The following RANBP17 variants were observed in gnomAD, a reference collection of about 807,000 sequenced individuals.
RANBP17 encodes the protein RAN binding protein 17.
A neutral mutation model predicts 141.2 loss-of-function variants in RANBP17; 158 were observed. The ratio of observed to expected loss-of-function variants is 1.12; its 90% CI spans 0.98 to 1.28. The LOEUF is 1.28. RANBP17 is among the 50% of genes most tolerant of loss of function. RANBP17 has a pLI of 0.00. For missense variants in RANBP17, 1,438 were observed against 1,290.7 expected, an observed-to-expected ratio of 1.11 and a Z score of -1.75; for synonymous variants, 430 against 450.0, an observed-to-expected ratio of 0.96 and a Z score of 0.56.
chr5:171,286,715 C>T lies in RANBP17; in HGVS notation c.2944-7168C>T, dbSNP rs187255005. On this transcript the variant is annotated intron_variant, in intron 25 of 27. Transcript: ENST00000523189. ...TTGAGCAGGATCACATTTCAATATC[C>T]GCTGTACACATGGCCTCAGGAACAG... is the stretch of plus-strand genomic sequence containing the variant. 2.0e-3 allele frequency among the ~76,000 whole-genome samples: 310 copies of T among 152,194 alleles called. 2 individuals are homozygous for T. Among genetic ancestry groups the T allele is most frequent in the African/African-American group, 6.9e-3 (288 of 41,522 alleles).
At chr5:171,215,173 TGTTA>T (rs1243716788) in intron 21 of RANBP17, among the ~76,000 whole-genome samples, 2 of 152,062 alleles carry the variant, frequency 1.3e-5, no homozygotes, top group South Asian at 2.1e-4. Context: ...TATGTTCCTG[TGTTA>T]GTTTGCTGAG....
Position 171,199,692 on chromosome 5 carries a change from G to GAA in RANBP17, c.2062_2063dup (p.Asn688LysfsTer27), listed in dbSNP as rs760934122. On this transcript the variant is annotated frameshift_variant, in exon 19 of 28. Coordinates refer to ENST00000523189, the MANE Select transcript of RANBP17 (RefSeq NM_022897.5). LOFTEE classifies it high-confidence loss of function. ...TAGGTGAAGATGAGGATGAATTTGA[G>GAA]AATTTCATGCTGCCTCTTACAGTTG... The GAA allele has an allele frequency of 4.2e-5, 68 of 1,608,836 alleles. No homozygotes were observed. In the South Asian group the frequency reaches 5.1e-4, roughly 12 times the overall value.
intron 25 of RANBP17, among the ~76,000 whole-genome samples, chr5:171,288,409 C>T (rs1051825645): frequency 6.6e-6 from 1 of 152,106 alleles, no homozygotes; most frequent in African/African-American, 2.4e-5. Flanking sequence ...TTTGTCACAC[C>T]ATCAGTCCTC....
chr5:171,287,072 T>G (rs189878100), intron 25 of RANBP17, among the ~76,000 whole-genome samples: 132 of 152,288 alleles, frequency 8.7e-4, no homozygotes, highest in African/African-American at 3.0e-3. Flanking sequence ...TTAGATGCAT[T>G]TATTATTGGT....
chr5:170,862,055 A>T lies in RANBP17; in HGVS notation c.18+4A>T. 6.8e-7 allele frequency: 1 copy of T among 1,461,296 alleles called. No homozygotes were observed. The highest frequency in any genetic ancestry group is 9.0e-7 in the Non-Finnish European group (1 of 1,113,644). 90.5% of individuals were successfully genotyped at this position (1,461,296 alleles called of 1,614,324 possible). On this transcript the variant is annotated splice_donor_region_variant and intron_variant, in intron 1 of 27. Transcript: ENST00000523189. ...GAAGATGGCGCTGCACTTCCAGGTC[A>T]GTGTGCTCTGCGCCGCGGGCCCGCG...
At chr5:171,205,838 A>G (rs2127961820) in intron 20 of RANBP17, 1 of 625,870 alleles carries the variant, frequency 1.6e-6, no homozygotes, top group East Asian at 3.1e-5. Context: ...TTAAATATTG[A>G]TAACTTAAAA....
At chr5:171,286,589 A>G (rs557819708) in intron 25 of RANBP17, among the ~76,000 whole-genome samples, 1 of 152,178 alleles carries the variant, frequency 6.6e-6, no homozygotes, top group Non-Finnish European at 1.5e-5. Context: ...TTATTTATCC[A>G]TTATGTTCAT....
intron 22 of RANBP17, among the ~76,000 whole-genome samples, chr5:171,238,324 A>G (rs1561790541): frequency 1.3e-5 from 2 of 152,338 alleles, no homozygotes; most frequent in South Asian, 4.1e-4. Flanking sequence ...GACATAGTCC[A>G]AAAGGCAGGA....
chr5:171,066,242 C>T lies in RANBP17; in HGVS notation c.1710+97865C>T, dbSNP rs548575950. Among the ~76,000 whole-genome samples the T allele has an allele frequency of 7.9e-5, 12 of 152,176 alleles. No homozygotes were observed. The South Asian group carries it at 1.7e-3, about 21-fold the overall frequency. On this transcript the variant is annotated intron_variant, in intron 14 of 27. Coordinates refer to ENST00000523189, the MANE Select transcript of RANBP17 (RefSeq NM_022897.5). ...ATACATGGTTATTAATCATAGTTAC[C>T]ATATTGTACAATAGTCTTCTTGAAC...
intron 12 of RANBP17, among the ~76,000 whole-genome samples, chr5:170,947,648 G>A (rs1403783024): frequency 1.3e-5 from 2 of 152,056 alleles, no homozygotes; most frequent in African/African-American, 2.4e-5. Flanking sequence ...TGACAGCTGG[G>A]GCTGGAGTTG....
chr5:170,969,825 A>G (rs1237626051), intron 14 of RANBP17, among the ~76,000 whole-genome samples: 2 of 152,088 alleles, frequency 1.3e-5, no homozygotes, highest in East Asian at 1.9e-4. Context: ...AAAAGTAAAC[A>G]CATCACCAGA....
intron 14 of RANBP17, among the ~76,000 whole-genome samples, chr5:171,102,792 C>T (rs1039411787): frequency 1.4e-5 from 2 of 147,888 alleles, no homozygotes; most frequent in Non-Finnish European, 3.0e-5. Context: ...CTTCGTTGTC[C>T]TTTTTTTTTT....
chr5:171,175,963 T>C (rs990677613), intron 16 of RANBP17, among the ~76,000 whole-genome samples: 2 of 152,134 alleles, frequency 1.3e-5, no homozygotes, highest in African/African-American at 4.8e-5. Context: ...TTTCAAGACC[T>C]CAACAGCAAA....
At chr5:171,214,478 A>G (rs1644990633) in intron 21 of RANBP17, among the ~76,000 whole-genome samples, 1 of 152,214 alleles carries the variant, frequency 6.6e-6, no homozygotes. Context: ...TCACTTAGCC[A>G]TCCTGTTTCA....
chr5:171,159,917 C>CAAAAAA (rs1175963382), intron 14 of RANBP17, among the ~76,000 whole-genome samples: 79 of 41,364 alleles, frequency 1.9e-3, no homozygotes, highest in African/African-American at 2.4e-3. Context: ...GACTCCATCT[C>CAAAAAA]AAAAAAAAAA....
intron 14 of RANBP17, among the ~76,000 whole-genome samples, chr5:171,071,351 G>A (rs553059414): frequency 6.6e-6 from 1 of 152,072 alleles, no homozygotes; most frequent in East Asian, 1.9e-4. Context: ...ATATTGACAA[G>A]CTAATTCTAA....
At position 171,246,209 on chromosome 5, in the gene RANBP17, C is replaced by G. The variant is rs146275427; in HGVS notation, c.2776+3389C>G. ...TCTCATACTTTTATAAGTCACTGTT[C>G]AGACAAACACTGGAGAGGACTCCCT... On this transcript the variant is annotated intron_variant, in intron 24 of 27. Transcript: ENST00000523189. Among the ~76,000 whole-genome samples, 324 of 152,222 alleles carry G rather than the reference C, an allele frequency of 2.1e-3. 2 individuals are homozygous for G. The highest frequency in any genetic ancestry group is 0.019 in the South Asian group (92 of 4,820).
chr5:171,268,999 C>T (rs1025547966), intron 25 of RANBP17, among the ~76,000 whole-genome samples: 12 of 152,182 alleles, frequency 7.9e-5, no homozygotes, highest in African/African-American at 2.7e-4. Flanking sequence ...CACTTTATAG[C>T]ATATGACTAA....
At chr5:171,141,153 A>T (rs1047905331) in intron 14 of RANBP17, among the ~76,000 whole-genome samples, 3 of 152,168 alleles carry the variant, frequency 2.0e-5, no homozygotes, top group Non-Finnish European at 1.5e-5. Flanking sequence ...CTAAAAATAA[A>T]TGTGTCAGAG....
Sources: allele counts gnomAD v4.1 joint callset (sites outside exome capture counted in the v4.1 genomes callset), GRCh38; gene constraint gnomAD v4.1.1; transcripts MANE v1.5; gene names NCBI Gene and HGNC (gene_info 2026-07-23, HGNC 2026-07-21).